The following KLHL35 variants were observed in gnomAD, a reference collection of about 807,000 sequenced individuals.
KLHL35 encodes the protein kelch-like protein 35.
In KLHL35, 50 loss-of-function variants were observed where a neutral mutation model predicts 44.0. The observed-to-expected ratio is 1.14, with a 90% CI of 0.91 to 1.44. The LOEUF (loss-of-function observed/expected upper bound fraction) is 1.44, where lower values mean the gene tolerates loss of function less well. Among genes scored for constraint, KLHL35 ranks in the 40% most tolerant of loss-of-function variants. The pLI, the probability that KLHL35 is intolerant of heterozygous loss-of-function variation, is 0.00. For missense variants in KLHL35, 1,049 were observed against 887.8 expected, an observed-to-expected ratio of 1.18 and a Z score of -2.31; for synonymous variants, 470 against 410.4, an observed-to-expected ratio of 1.15 and a Z score of -1.76.
At position 75,430,200 on chromosome 11, in the gene KLHL35, GCACGCAGGCCT is replaced by G. The variant is rs1355629272; in HGVS notation, c.419_429del (p.Glu140AlafsTer54). 1.5e-5 allele frequency: 18 copies of G among 1,239,802 alleles called. No individual in the cohort carries two copies. The African/African-American group carries it at 1.6e-4, about 11-fold the overall frequency. 76.8% of individuals were successfully genotyped at this position (1,239,802 alleles called of 1,614,324 possible). On this transcript the variant is annotated frameshift_variant, in exon 2 of 7. Transcript: ENST00000539798. LOFTEE classifies it high-confidence loss of function. Reference sequence around the variant, plus strand: ...GCGCGCAGGCGGCCCTCGAGAAAGCGCACGCAGGCCTCGCGCAGGCCCGCCACGCCCAGCCG... The same window carrying G: ...GCGCGCAGGCGGCCCTCGAGAAAGCGCGCGCAGGCCCGCCACGCCCAGCCG...
chr11:75,429,743 C>G lies in KLHL35; in HGVS notation c.881+6G>C, dbSNP rs1948517519. 10 of 1,452,490 alleles carry G rather than the reference C, an allele frequency of 6.9e-6. No individual in the cohort carries two copies. The highest frequency in any genetic ancestry group is 9.0e-6 in the Non-Finnish European group (10 of 1,109,888). The allele number at this position is 1,452,490 out of a possible 1,614,324, so 90.0% of individuals were successfully genotyped here. ...AGGGCGGGAAGCTAGGGGATGGCGGCCCTACCTCCGCGGCCGGGTCCGCAG... is the reference window on the plus strand; with the variant it reads ...AGGGCGGGAAGCTAGGGGATGGCGGGCCTACCTCCGCGGCCGGGTCCGCAG... On this transcript the variant is annotated splice_donor_region_variant and intron_variant, in intron 2 of 6. Transcript: ENST00000539798.
Position 75,428,585 on chromosome 11 carries a change from C to G in KLHL35, c.923G>C (p.Cys308Ser). The change falls in exon 3 of 7, where the codon TGC becomes TCC. Residue 308 changes from cysteine (C) to serine (S), a missense_variant. By Grantham distance (112) the Cys-to-Ser change is moderately radical. Coordinates refer to ENST00000539798, the MANE Select transcript of KLHL35 (RefSeq NM_001039548.3). ...LAEVIVVIGG[C>S]DRKGLLKLPF... ...CAGCTTCAGGAGACCTTTGCGGTCG[C>G]AACCGCCGATGACCACGATCACTTC... 6.2e-7 allele frequency: 1 copy of G among 1,603,868 alleles called. No homozygotes were observed. Among genetic ancestry groups the G allele is most frequent in the South Asian group, 1.1e-5 (1 of 90,434 alleles).
chr11:75,425,634 C>G lies in KLHL35; in HGVS notation c.1186-53G>C, dbSNP rs1263276987. The G allele has an allele frequency of 1.3e-5, 18 of 1,356,756 alleles. No homozygotes were observed. The South Asian group carries it at 2.5e-4, about 19-fold the overall frequency. 84.0% of individuals were successfully genotyped at this position (1,356,756 alleles called of 1,614,324 possible). A position where few individuals can be genotyped will look rare whatever the true frequency, so the allele number is the denominator to read the frequency against. ...CCGGGTGCCAGGGCCTTAGGGCCCT[C>G]GGCCTCATCGCTTCAGTCCTTACAG... is the stretch of plus-strand genomic sequence containing the variant. On this transcript the variant is annotated intron_variant, in intron 4 of 6. Coordinates refer to ENST00000539798, the MANE Select transcript of KLHL35 (RefSeq NM_001039548.3).
In KLHL35 at chr11:75,422,419, C is replaced by T; in HGVS notation, c.*161G>A. 1 of 643,028 alleles carries T rather than the reference C, an allele frequency of 1.6e-6. No individual in the cohort carries two copies. The highest frequency in any genetic ancestry group is 2.6e-6 in the Non-Finnish European group (1 of 378,604). 39.8% of individuals were successfully genotyped at this position (643,028 alleles called of 1,614,324 possible). A position where few individuals can be genotyped will look rare whatever the true frequency, so the allele number is the denominator to read the frequency against. On this transcript the variant is annotated 3_prime_UTR_variant, in exon 7 of 7. Transcript: ENST00000539798. Reference sequence around the variant, plus strand: ...TTAGACATTCCATCTCCAGGCAGGGCAGACTGCAGCTGGAACACAGACCCA... The same window carrying T: ...TTAGACATTCCATCTCCAGGCAGGGTAGACTGCAGCTGGAACACAGACCCA...
chr11:75,427,498 C>T (rs1265119438), intron 3 of KLHL35, among the ~76,000 whole-genome samples: 1 of 152,218 alleles, frequency 6.6e-6, no homozygotes, highest in East Asian at 1.9e-4. Context: ...CAACAAAGGC[C>T]CCACATGTTG....
chr11:75,430,208 G>T lies in KLHL35; in HGVS notation c.422C>A (p.Ala141Asp). The change falls in exon 2 of 7, where the codon GCC (alanine) becomes GAC (aspartate). Residue 141 changes from alanine (A) to aspartate (D), a missense_variant. Physicochemically the swap from Ala to Asp is moderately radical, Grantham distance 126. Coordinates refer to ENST00000539798, the MANE Select transcript of KLHL35 (RefSeq NM_001039548.3). ...ERLGVAGLRE[A>D]CVRFLEGRLR... ...GCGGCCCTCGAGAAAGCGCACGCAG[G>T]CCTCGCGCAGGCCCGCCACGCCCAG... 1.6e-6 allele frequency: 2 copies of T among 1,235,120 alleles called. No individual in the cohort carries two copies. The highest frequency in any genetic ancestry group is 2.0e-6 in the Non-Finnish European group (2 of 985,252). The allele number at this position is 1,235,120 out of a possible 1,614,324, so 76.5% of individuals were successfully genotyped here. A position where few individuals can be genotyped will look rare whatever the true frequency, so the allele number is the denominator to read the frequency against.
Position 75,430,635 on chromosome 11 carries a change from C to A in KLHL35, c.-1-5G>T. On this transcript the variant is annotated splice_polypyrimidine_tract_variant and splice_region_variant and intron_variant, in intron 1 of 6. Transcript: ENST00000539798. ...GGCGCATGGCCTTGCCGCATCCTGC[C>A]GGGGAGAGAACACAAACAGCGTCGG... 1 of 1,368,284 alleles carries A rather than the reference C, an allele frequency of 7.3e-7. No individual in the cohort carries two copies. Among genetic ancestry groups the A allele is most frequent in the Admixed American group, 3.6e-5 (1 of 27,686 alleles). 84.8% of individuals were successfully genotyped at this position (1,368,284 alleles called of 1,614,324 possible).
At chr11:75,424,006 G>C in intron 5 of KLHL35, 126 bp from the exon 6 acceptor site, 1 of 722,686 alleles carries the variant, frequency 1.4e-6, no homozygotes, top group Admixed American at 2.8e-5. Flanking sequence ...GTGTCCACCA[G>C]GCCTGAGCCA....
chr11:75,426,631 G>A lies in KLHL35; in HGVS notation c.1074C>T (p.His358=). Residue 358 remains histidine (H), a synonymous_variant, in exon 4 of 7, where the codon CAC becomes CAT. Transcript: ENST00000539798. ...LRNDVYVSGG[H]INSHDVWMFS... is the part of the protein sequence containing the mutation. ...ACATCCACACATCATGACTGTTGAT[G>A]TGGCCTCCTAGGGAGAGAGAAGCAG... 2 of 1,591,978 alleles carry A rather than the reference G, an allele frequency of 1.3e-6. No homozygotes were observed. The highest frequency in any genetic ancestry group is 2.3e-5 in the East Asian group (1 of 44,430).
At chr11:75,432,329 T>A (rs527338181) in intron 1 of KLHL35, among the ~76,000 whole-genome samples, 6 of 152,296 alleles carry the variant, frequency 3.9e-5, no homozygotes, top group African/African-American at 1.4e-4. Flanking sequence ...ATGAGCTCCC[T>A]GGTGGGCAAG....
chr11:75,426,209 C>G, intron 4 of KLHL35: 1 of 194,002 alleles, frequency 5.2e-6, no homozygotes, highest in Non-Finnish European at 1.1e-5. Context: ...CCCGCCTTGG[C>G]CTCCCAAAGT....
intron 1 of KLHL35, 52 bp from the exon 2 acceptor site, chr11:75,430,682 G>C: frequency 7.8e-7 from 1 of 1,287,510 alleles, no homozygotes; most frequent in Non-Finnish European, 9.9e-7. Flanking sequence ...GGCTGCGCCC[G>C]GGAGAGGCGA....
intron 4 of KLHL35, 108 bp downstream of exon 4, chr11:75,426,412 G>A: frequency 1.5e-6 from 1 of 647,280 alleles, no homozygotes; most frequent in Non-Finnish European, 2.6e-6. Flanking sequence ...CTTTTTTGGG[G>A]GGCTTCAGAC....
At chr11:75,425,720 G>A (rs1256288339) in intron 4 of KLHL35, 139 bp from the exon 5 acceptor site, 3 of 707,780 alleles carry the variant, frequency 4.2e-6, no homozygotes, top group Non-Finnish European at 6.3e-6. Context: ...TGACCCCCGA[G>A]CCCAGTGCTG....
chr11:75,423,841 G>A lies in KLHL35; in HGVS notation c.1414C>T (p.Arg472Trp), dbSNP rs751889801. ...CGCTGTGAGAAGGGTGCTGGTGACC[G>A]CAGGCTCCACCGGTCCTCCTTGGGG... ...FDPKEDRWSL[R>W]SPAPFSQRCL... The change falls in exon 6 of 7, where the codon CGG becomes TGG. Residue 472 changes from arginine to tryptophan, a missense_variant. Arg to Trp is a moderately radical substitution (Grantham distance 101). Transcript: ENST00000539798. 5.6e-5 allele frequency: 91 copies of A among 1,613,626 alleles called. No individual in the cohort carries two copies. The highest frequency in any genetic ancestry group is 4.4e-5 in the Non-Finnish European group (52 of 1,179,794).
At chr11:75,428,860 GA>G (rs553144185) in intron 2 of KLHL35, among the ~76,000 whole-genome samples, 2 of 150,508 alleles carry the variant, frequency 1.3e-5, no homozygotes, top group African/African-American at 4.9e-5. Context: ...CTAAACTACA[GA>G]AAAAAAAATC....
rs1263398725 is a variant in KLHL35 at position 75,426,301 on chromosome 11, T to C, written c.1185+219A>G. 7.3e-6 allele frequency: 3 copies of C among 413,742 alleles called. No individual in the cohort carries two copies. The Admixed American group carries it at 1.2e-4, about 16-fold the overall frequency. 25.6% of individuals were successfully genotyped at this position (413,742 alleles called of 1,614,324 possible). A position where few individuals can be genotyped will look rare whatever the true frequency, so the allele number is the denominator to read the frequency against. ...AGTCAAGATTCAAACCTAGACTCTA[T>C]GGCCCCAGAGCCCATACCCTTGACC... On this transcript the variant is annotated intron_variant, in intron 4 of 6. Transcript: ENST00000539798.
chr11:75,426,391 G>A (rs1163251895), intron 4 of KLHL35, 129 bp downstream of exon 4: 1 of 587,356 alleles, frequency 1.7e-6, no homozygotes, highest in Non-Finnish European at 3.0e-6. Flanking sequence ...ATGTGACCTT[G>A]GACAAGTCTC....
intron 6 of KLHL35, 63 bp from the exon 7 acceptor site, chr11:75,422,831 G>C: frequency 6.8e-7 from 1 of 1,479,256 alleles, no homozygotes; most frequent in Middle Eastern, 1.7e-4. Context: ...GTCCCTGCCT[G>C]GCCAGGCCAG....
Sources: allele counts gnomAD v4.1 joint callset (sites outside exome capture counted in the v4.1 genomes callset), GRCh38; gene constraint gnomAD v4.1.1; transcripts MANE v1.5; gene names NCBI Gene and HGNC (gene_info 2026-07-23, HGNC 2026-07-21).